CYRIA: variants seen among roughly 807,000 people sequenced by gnomAD.
CYRIA encodes CYFIP-related Rac1 interactor A.
A neutral mutation model predicts 43.9 loss-of-function variants in CYRIA; 15 were observed. That is an observed-to-expected ratio of 0.34 (90% CI 0.23 to 0.53). The LOEUF (loss-of-function observed/expected upper bound fraction) is 0.53, where lower values mean the gene tolerates loss of function less well. CYRIA is among the 20% of genes least tolerant of loss of function. CYRIA has a pLI of 0.94. For synonymous variants in CYRIA, 117 were observed against 136.0 expected (o/e 0.86, Z 0.97); for missense variants, 236 against 394.2 (o/e 0.60, Z 3.40).
intron 1 of CYRIA, among the ~76,000 whole-genome samples, chr2:16,624,418 T>C (rs973927494): frequency 6.6e-6 from 1 of 152,228 alleles, no homozygotes; most frequent in African/African-American, 2.4e-5. Context: ...TTTTTCCAGA[T>C]TGCTGTTTTT....
intron 1 of CYRIA, among the ~76,000 whole-genome samples, chr2:16,625,069 C>G (rs754778729): frequency 6.8e-4 from 103 of 151,426 alleles, no homozygotes; most frequent in Non-Finnish European, 1.0e-3. Context: ...TGTTTCAGCT[C>G]AAATGCATGA....
intron 2 of CYRIA, among the ~76,000 whole-genome samples, chr2:16,590,899 A>T (rs1160898051): frequency 6.6e-6 from 1 of 152,112 alleles, no homozygotes; most frequent in Non-Finnish European, 1.5e-5. Flanking sequence ...ATAAGAATTC[A>T]TGGGAGTGTC....
At chr2:16,609,218 C>T (rs1668510377) in intron 2 of CYRIA, among the ~76,000 whole-genome samples, 1 of 152,170 alleles carries the variant, frequency 6.6e-6, no homozygotes, top group Admixed American at 6.5e-5. Flanking sequence ...GTGCATGGTA[C>T]CCTCTGCTGG....
chr2:16,600,881 A>T (rs1668182176), intron 2 of CYRIA, among the ~76,000 whole-genome samples: 1 of 152,246 alleles, frequency 6.6e-6, no homozygotes, highest in Admixed American at 6.5e-5. Flanking sequence ...CAATTTTTCA[A>T]ATACTACAAG....
In CYRIA at chr2:16,559,481, G is replaced by A; in HGVS notation, c.816C>T (p.Phe272=). Residue 272 remains phenylalanine (F), a synonymous_variant, in exon 10 of 12, where the codon TTC becomes TTT. Transcript: ENST00000381323. ...TTACATCGATCTTGGATGTCTTGCA[G>A]AAAGCTCCCACAGGGTGGACATGGT... ...LYDHVHPVGA[F]CKTSKIDMKG... 6.2e-7 allele frequency: 1 copy of A among 1,612,918 alleles called. No individual in the cohort carries two copies. Among genetic ancestry groups the A allele is most frequent in the South Asian group, 1.1e-5 (1 of 90,970 alleles).
chr2:16,572,179 G>A (rs1667152883), intron 3 of CYRIA, among the ~76,000 whole-genome samples: 1 of 152,048 alleles, frequency 6.6e-6, no homozygotes, highest in African/African-American at 2.4e-5. Context: ...TAGACCTCAG[G>A]GCAAGCCAAG....
At chr2:16,608,113 C>A (rs1558424112) in intron 2 of CYRIA, among the ~76,000 whole-genome samples, 1 of 152,152 alleles carries the variant, frequency 6.6e-6, no homozygotes, top group African/African-American at 2.4e-5. Context: ...CAAGCAGGGT[C>A]CCACACATCG....
At chr2:16,627,718 A>G (rs1037453435) in intron 1 of CYRIA, among the ~76,000 whole-genome samples, 1 of 152,238 alleles carries the variant, frequency 6.6e-6, no homozygotes, top group East Asian at 1.9e-4. Flanking sequence ...TCAAAAGGAG[A>G]GAAGGAAGAT....
chr2:16,603,252 G>T (rs996662500), intron 2 of CYRIA, among the ~76,000 whole-genome samples: 1 of 152,194 alleles, frequency 6.6e-6, no homozygotes, highest in African/African-American at 2.4e-5. Context: ...TGCACATGCT[G>T]CTCTGTCTGC....
rs1380137268 is a variant in CYRIA, at chr2:16,564,113, G to A, written c.193-19C>T. On this transcript the variant is annotated intron_variant, in intron 4 of 11. Coordinates refer to ENST00000381323, the MANE Select transcript of CYRIA (RefSeq NM_030797.4). The stretch of plus-strand genomic sequence containing the variant: ...GAATTGCCTGCAAAAACACAGTAGA[G>A]CTGACTGTTTAAAAAGAAGTGGTAA... The A allele has an allele frequency of 6.3e-7, 1 of 1,586,934 alleles. No homozygotes were observed. The highest frequency in any genetic ancestry group is 8.6e-7 in the Non-Finnish European group (1 of 1,158,336).
At chr2:16,616,141 C>A (rs561731360) in intron 2 of CYRIA, among the ~76,000 whole-genome samples, 1 of 152,046 alleles carries the variant, frequency 6.6e-6, no homozygotes, top group African/African-American at 2.4e-5. Flanking sequence ...CTCACTTGGC[C>A]GTAGAGTGGT....
chr2:16,558,184 T>C (rs1300663541), intron 10 of CYRIA, among the ~76,000 whole-genome samples: 1 of 152,164 alleles, frequency 6.6e-6, no homozygotes, highest in Non-Finnish European at 1.5e-5. Context: ...TTTAATTTAC[T>C]ATGTCTTGAT....
intron 3 of CYRIA, among the ~76,000 whole-genome samples, chr2:16,583,033 C>CTT (rs1386056004): frequency 6.6e-6 from 1 of 152,136 alleles, no homozygotes. Context: ...TATTATCTCT[C>CTT]TTTTTGATTA....
intron 1 of CYRIA, among the ~76,000 whole-genome samples, chr2:16,640,345 C>T (rs767161353): frequency 4.6e-5 from 7 of 152,222 alleles, no homozygotes; most frequent in Admixed American, 3.9e-4. Flanking sequence ...TCCCCCACAG[C>T]GCTAGGGTTC....
intron 3 of CYRIA, among the ~76,000 whole-genome samples, chr2:16,566,654 A>C (rs1275556216): frequency 1.3e-5 from 2 of 152,176 alleles, no homozygotes; most frequent in African/African-American, 4.8e-5. Context: ...TCCATAATGA[A>C]AACAGTATTC....
intron 1 of CYRIA, among the ~76,000 whole-genome samples, chr2:16,658,149 T>C (rs1670165363): frequency 1.3e-5 from 2 of 152,186 alleles, no homozygotes; most frequent in African/African-American, 2.4e-5. Context: ...ATTATCCTTG[T>C]TACAATCTAG....
At chr2:16,651,389 C>T (rs896248592) in intron 1 of CYRIA, among the ~76,000 whole-genome samples, 2 of 152,184 alleles carry the variant, frequency 1.3e-5, no homozygotes, top group South Asian at 2.1e-4. Flanking sequence ...CACTGCAGTG[C>T]AGAAGCCAAA....
Position 16,567,349 on chromosome 2 carries a change from A to G in CYRIA, c.71-1582T>C, listed in dbSNP as rs62122699. Among the ~76,000 whole-genome samples the G allele has an allele frequency of 7.6e-3, 1,164 of 152,310 alleles. 6 individuals are homozygous for G. The highest frequency in any genetic ancestry group is 0.017 in the Middle Eastern group (5 of 294). ...AATCCTGGAGGCAGAGGTTGCAATG[A>G]ACTGAGATCATGTCACTGCACTCCA... On this transcript the variant is annotated intron_variant, in intron 3 of 11. Transcript: ENST00000381323.
chr2:16,585,183 A>G (rs1381716690), intron 3 of CYRIA, among the ~76,000 whole-genome samples: 3 of 152,072 alleles, frequency 2.0e-5, no homozygotes, highest in Admixed American at 2.0e-4. Flanking sequence ...GCCCATCATC[A>G]TTTCTTGAAA....
Sources: allele counts gnomAD v4.1 joint callset (sites outside exome capture counted in the v4.1 genomes callset), GRCh38; gene constraint gnomAD v4.1.1; transcripts MANE v1.5; gene names NCBI Gene and HGNC (gene_info 2026-07-23, HGNC 2026-07-21).